The following LCOR variants were observed in gnomAD, a reference collection of about 807,000 sequenced individuals.
The protein encoded by LCOR is ligand-dependent corepressor.
A neutral mutation model predicts 64.4 loss-of-function variants in LCOR; 14 were observed. That is an observed-to-expected ratio of 0.22 (90% CI 0.14 to 0.34). The LOEUF is 0.34. LCOR is among the 10% of genes least tolerant of loss of function. LCOR has a pLI of 1.00. For synonymous variants in LCOR, 643 were observed against 642.5 expected, an observed-to-expected ratio of 1.00 and a Z score of -0.01; for missense variants, 1,686 against 1,765.3, an observed-to-expected ratio of 0.96 and a Z score of 0.80.
chr10:96,873,740 T>C (rs370564440), intron 2 of LCOR, among the ~76,000 whole-genome samples: 11 of 151,972 alleles, frequency 7.2e-5, no homozygotes, highest in African/African-American at 2.4e-4. Context: ...GTAGCTGGGA[T>C]TACAGGAGCC....
intron 4 of LCOR, among the ~76,000 whole-genome samples, chr10:96,928,437 A>G (rs1564628680): frequency 6.6e-6 from 1 of 152,158 alleles, no homozygotes; most frequent in African/African-American, 2.4e-5. Context: ...TTTCTCATCC[A>G]TAACAAGCAA....
At chr10:96,911,924 T>C (rs1237477138) in intron 4 of LCOR, among the ~76,000 whole-genome samples, 1 of 152,078 alleles carries the variant, frequency 6.6e-6, no homozygotes, top group African/African-American at 2.4e-5. Flanking sequence ...TCATGAGGCT[T>C]TTCTTTTCTT....
intron 4 of LCOR, among the ~76,000 whole-genome samples, chr10:96,920,070 A>G (rs1847021097): frequency 6.6e-6 from 1 of 152,146 alleles, no homozygotes; most frequent in African/African-American, 2.4e-5. Flanking sequence ...AAATTATCAG[A>G]CTTTGCCACA....
chr10:96,842,966 T>C (rs1845566989), intron 2 of LCOR, among the ~76,000 whole-genome samples: 1 of 152,138 alleles, frequency 6.6e-6, no homozygotes, highest in African/African-American at 2.4e-5. Flanking sequence ...AAGTATACAT[T>C]GTATGTAGAG....
In LCOR at chr10:96,983,521, G is replaced by A. The variant is rs1331741616; in HGVS notation, c.3061G>A (p.Gly1021Ser). Residue 1021 changes from glycine to serine, a missense_variant, in exon 8 of 8, where the codon GGT becomes AGT. Coordinates refer to ENST00000421806, the MANE Select transcript of LCOR (RefSeq NM_001346516.2). This position sits in a 1 kb window ranked among gnomAD's most constrained non-coding sequence, Gnocchi z 4.5. ...SSLGLSSSGS[G>S]DAARAPKSVP... ...TCTTGGGTTGTCGAGTAGTGGAAGT[G>A]GTGATGCTGCTAGGGCACCAAAATC... 9 of 1,614,066 alleles carry A rather than the reference G, an allele frequency of 5.6e-6. No individual in the cohort carries two copies. Among genetic ancestry groups the A allele is most frequent in the Non-Finnish European group, 7.6e-6 (9 of 1,180,006 alleles).
At chr10:96,957,476 A>G in intron 7 of LCOR, 2 of 985,344 alleles carry the variant, frequency 2.0e-6, no homozygotes, top group Non-Finnish European at 2.4e-6. Context: ...ATTTGTGCAA[A>G]ACAAATTCCA....
At chr10:96,943,608 G>T (rs1316529815) in intron 4 of LCOR, among the ~76,000 whole-genome samples, 4 of 152,188 alleles carry the variant, frequency 2.6e-5, no homozygotes, top group Non-Finnish European at 5.9e-5. Context: ...TGTGAATTCA[G>T]ATGTATTCTG....
chr10:96,946,359 T>C (rs938945582), intron 5 of LCOR, among the ~76,000 whole-genome samples: 1 of 152,052 alleles, frequency 6.6e-6, no homozygotes, highest in Non-Finnish European at 1.5e-5. Context: ...TATAGTTAAG[T>C]AGAATCAGAG....
chr10:96,903,139 G>A (rs962594461), intron 2 of LCOR, among the ~76,000 whole-genome samples: 3 of 152,172 alleles, frequency 2.0e-5, no homozygotes, highest in Admixed American at 6.5e-5. Context: ...ACCATAAATG[G>A]AGAGTGCAGG....
chr10:96,843,209 C>CA (rs1466927147), intron 2 of LCOR, among the ~76,000 whole-genome samples: 1 of 152,184 alleles, frequency 6.6e-6, no homozygotes, highest in Non-Finnish European at 1.5e-5. Context: ...ACTGTAAACT[C>CA]AAACTCCTGG....
chr10:96,920,313 A>C (rs948983716), intron 4 of LCOR, among the ~76,000 whole-genome samples: 4 of 151,118 alleles, frequency 2.6e-5, no homozygotes, highest in South Asian at 2.1e-4. Context: ...GTTTAAAGAA[A>C]TGTCTTGTTC....
At chr10:96,931,214 A>G (rs977147782) in intron 4 of LCOR, among the ~76,000 whole-genome samples, 1 of 150,934 alleles carries the variant, frequency 6.6e-6, no homozygotes, top group Non-Finnish European at 1.5e-5. Context: ...GGATGGTGAC[A>G]CCACAAAGCA....
chr10:96,845,268 G>C (rs1456446720), intron 2 of LCOR, among the ~76,000 whole-genome samples: 2 of 151,898 alleles, frequency 1.3e-5, no homozygotes, highest in Admixed American at 1.3e-4. Flanking sequence ...GAAGGTTCTT[G>C]CCTTCAGTAA....
intron 2 of LCOR, among the ~76,000 whole-genome samples, chr10:96,868,910 G>T (rs1846023806): frequency 6.6e-6 from 1 of 151,962 alleles, no homozygotes; most frequent in Non-Finnish European, 1.5e-5. Context: ...GTTGGTTTTT[G>T]TTGTTGTTGT....
intron 4 of LCOR, among the ~76,000 whole-genome samples, chr10:96,922,676 G>C (rs1455570111): frequency 6.6e-6 from 1 of 152,182 alleles, no homozygotes; most frequent in Non-Finnish European, 1.5e-5. Context: ...GTCTGTGGGG[G>C]TGGTTTGCTT....
chr10:96,935,985 A>G (rs1379032769), intron 4 of LCOR, among the ~76,000 whole-genome samples: 1 of 152,254 alleles, frequency 6.6e-6, no homozygotes, highest in East Asian at 1.9e-4. Flanking sequence ...CAACAGGTGA[A>G]ATGACAGACC....
chr10:96,854,588 A>G (rs545639050), intron 2 of LCOR, among the ~76,000 whole-genome samples: 100 of 152,248 alleles, frequency 6.6e-4, no homozygotes, highest in African/African-American at 2.3e-3. Flanking sequence ...CGGCCTCCCA[A>G]AGTGCTGGGA....
intron 3 of LCOR, 82 bp downstream of exon 3, chr10:96,907,412 T>C (rs1315813599): frequency 5.6e-6 from 2 of 354,462 alleles, no homozygotes; most frequent in South Asian, 1.1e-4. Context: ...AGTCTCCTTT[T>C]TATTCACGGT....
At chr10:96,857,211 T>C (rs1845821026) in intron 2 of LCOR, among the ~76,000 whole-genome samples, 1 of 151,132 alleles carries the variant, frequency 6.6e-6, no homozygotes, top group East Asian at 1.9e-4. Context: ...GTTATGATAC[T>C]ACAACCCACA....
Sources: allele counts gnomAD v4.1 joint callset (sites outside exome capture counted in the v4.1 genomes callset), GRCh38; gene constraint gnomAD v4.1.1; non-coding constraint Gnocchi (gnomAD v3.1); transcripts MANE v1.5; gene names NCBI Gene and HGNC (gene_info 2026-07-23, HGNC 2026-07-21).